Variants in RSRC1 observed in about 807,000 individuals in gnomAD.
RSRC1 encodes arginine and serine rich coiled-coil 1.
RSRC1 carries 39 observed loss-of-function variants against 49.1 expected under a neutral mutation model. The observed-to-expected ratio is 0.79, with a 90% CI of 0.61 to 1.04. The LOEUF (loss-of-function observed/expected upper bound fraction) is 1.04, where lower values mean the gene tolerates loss of function less well. Ranked by LOEUF, RSRC1 falls within the 50% of genes least tolerant of loss-of-function variation. The probability of loss-of-function intolerance (pLI) is 0.00; values close to 1 mark genes in which losing one functional copy is unlikely to be tolerated. For missense variants in RSRC1, 388 were observed against 402.4 expected (o/e 0.96, Z 0.31); for synonymous variants, 143 against 130.8 (o/e 1.09, Z -0.63).
At chr3:158,147,058 C>T (rs1003764309) in intron 3 of RSRC1, among the ~76,000 whole-genome samples, 2 of 148,740 alleles carry the variant, frequency 1.3e-5, no homozygotes, top group Non-Finnish European at 3.0e-5. Flanking sequence ...GCTGCCTCCC[C>T]CTCCCTCTCC....
At chr3:158,478,213 CTG>C (rs756072231) in intron 7 of RSRC1, among the ~76,000 whole-genome samples, 47 of 151,794 alleles carry the variant, frequency 3.1e-4, no homozygotes, top group Middle Eastern at 3.4e-3. Context: ...TCATTTTACA[CTG>C]TTAGACCTAG....
intron 7 of RSRC1, among the ~76,000 whole-genome samples, chr3:158,508,926 C>G (rs1740010984): frequency 6.6e-6 from 1 of 152,164 alleles, no homozygotes; most frequent in African/African-American, 2.4e-5. Flanking sequence ...CCCTGATTTG[C>G]AGATATTTTC....
At chr3:158,362,813 A>G (rs572275414) in intron 6 of RSRC1, among the ~76,000 whole-genome samples, 2 of 152,216 alleles carry the variant, frequency 1.3e-5, no homozygotes, top group African/African-American at 2.4e-5. Flanking sequence ...AAATGTGTCC[A>G]TGGGTCTAAA....
chr3:158,341,388 C>T (rs1040181397), intron 5 of RSRC1, among the ~76,000 whole-genome samples: 2 of 152,080 alleles, frequency 1.3e-5, no homozygotes, highest in Non-Finnish European at 2.9e-5. Context: ...ACTTCGTGCC[C>T]TGTGTCCCAG....
intron 3 of RSRC1, among the ~76,000 whole-genome samples, chr3:158,134,040 G>C (rs935271582): frequency 2.0e-5 from 3 of 152,142 alleles, no homozygotes; most frequent in Non-Finnish European, 4.4e-5. Flanking sequence ...AAGCATGCAT[G>C]ATATTGAATA....
rs898561048 is a variant in RSRC1 at position 158,430,570 on chromosome 3, C to T, written c.584-30365C>T. ...ACCATCTAAGAGAAAGAAAATTCTGCGTATGTTTAACAAGTATTTCTTGAA... is the reference window on the plus strand; with the variant it reads ...ACCATCTAAGAGAAAGAAAATTCTGTGTATGTTTAACAAGTATTTCTTGAA... On this transcript the variant is annotated intron_variant, in intron 6 of 9. Transcript: ENST00000611884. Among the ~76,000 whole-genome samples the T allele has an allele frequency of 3.3e-5, 5 of 151,882 alleles. No homozygotes were observed. In the East Asian group the frequency reaches 5.9e-4, roughly 18 times the overall value.
chr3:158,223,885 A>T (rs188079136), intron 4 of RSRC1, among the ~76,000 whole-genome samples: 1 of 151,728 alleles, frequency 6.6e-6, no homozygotes, highest in East Asian at 1.9e-4. Flanking sequence ...TATGGTTCTC[A>T]TTCTCATTAT....
At chr3:158,353,995 C>CTT (rs1230649090) in intron 5 of RSRC1, among the ~76,000 whole-genome samples, 1,543 of 96,290 alleles carry the variant, frequency 0.016, 76 homozygotes, top group African/African-American at 0.053. Context: ...GTTTCTTTTT[C>CTT]TTTTTTTTTT....
chr3:158,484,652 A>G (rs1560061710), intron 7 of RSRC1, among the ~76,000 whole-genome samples: 1 of 152,118 alleles, frequency 6.6e-6, no homozygotes, highest in Non-Finnish European at 1.5e-5. Flanking sequence ...GAAAGGTAGA[A>G]ATTTGTAAAT....
chr3:158,443,942 C>G (rs976744064), intron 6 of RSRC1, among the ~76,000 whole-genome samples: 1 of 152,110 alleles, frequency 6.6e-6, no homozygotes, highest in Non-Finnish European at 1.5e-5. Context: ...GACAGAGGAA[C>G]AGCCAGTTGG....
intron 1 of RSRC1, among the ~76,000 whole-genome samples, chr3:158,111,476 T>A (rs1714403348): frequency 6.6e-6 from 1 of 152,246 alleles, no homozygotes; most frequent in Non-Finnish European, 1.5e-5. Flanking sequence ...CCTGCTTTCA[T>A]GTTCAAACCA....
intron 4 of RSRC1, among the ~76,000 whole-genome samples, chr3:158,295,781 C>T (rs1559981237): frequency 6.6e-6 from 1 of 152,022 alleles, no homozygotes; most frequent in Admixed American, 6.6e-5. Flanking sequence ...AAGCAATAGC[C>T]TACATTGTCT....
intron 3 of RSRC1, among the ~76,000 whole-genome samples, chr3:158,140,065 A>T (rs991634374): frequency 2.6e-5 from 4 of 151,658 alleles, no homozygotes; most frequent in South Asian, 2.1e-4. Flanking sequence ...TTGTGAGAAG[A>T]AGTTACGAAA....
At chr3:158,183,817 G>C (rs1021540251) in intron 3 of RSRC1, among the ~76,000 whole-genome samples, 1 of 152,084 alleles carries the variant, frequency 6.6e-6, no homozygotes, top group Admixed American at 6.5e-5. Context: ...TCGGGGGGCT[G>C]ATGGGGGAGG....
At chr3:158,194,273 C>CAAAT (rs1026276534) in intron 3 of RSRC1, among the ~76,000 whole-genome samples, 9 of 139,590 alleles carry the variant, frequency 6.4e-5, no homozygotes, top group Non-Finnish European at 1.2e-4. Context: ...GACCCTATCT[C>CAAAT]AAATAAATAA....
chr3:158,126,612 C>CATACCACCATTACAGTGTT (rs2108171978), intron 3 of RSRC1, among the ~76,000 whole-genome samples: 1 of 152,220 alleles, frequency 6.6e-6, no homozygotes, highest in African/African-American at 2.4e-5. Context: ...AAATGTTTTA[C>CATACCACCATTACAGTGTT]ATACCACCAT....
At chr3:158,190,921 C>A (rs1180402413) in intron 3 of RSRC1, among the ~76,000 whole-genome samples, 1 of 147,150 alleles carries the variant, frequency 6.8e-6, no homozygotes, top group Admixed American at 6.9e-5. Flanking sequence ...GAGTTTCTTT[C>A]TTTTATTTTA....
intron 4 of RSRC1, among the ~76,000 whole-genome samples, chr3:158,281,510 C>A (rs1010087856): frequency 6.6e-6 from 1 of 151,962 alleles, no homozygotes; most frequent in East Asian, 1.9e-4. Flanking sequence ...CAGGACTGAT[C>A]CTTGGGGAGC....
chr3:158,215,937 G>C (rs1198954654), intron 4 of RSRC1, among the ~76,000 whole-genome samples: 10 of 151,378 alleles, frequency 6.6e-5, no homozygotes, highest in Non-Finnish European at 4.4e-5. Flanking sequence ...TACCATTTTT[G>C]TTACTTTTAA....
Sources: gnomAD v4.1 joint callset for allele counts (sites outside exome capture counted in the v4.1 genomes callset) on GRCh38, gnomAD v4.1.1 for gene constraint, MANE v1.5 for transcripts, NCBI Gene and HGNC (gene_info 2026-07-23, HGNC 2026-07-21) for gene names.